The following AOAH variants were observed in gnomAD, a reference collection of about 807,000 sequenced individuals.
The protein encoded by AOAH is acyloxyacyl hydrolase (neutrophil).
AOAH carries 64 observed loss-of-function variants against 92.2 expected under a neutral mutation model. The ratio of observed to expected loss-of-function variants is 0.69; its 90% confidence interval spans 0.57 to 0.86. AOAH has a LOEUF of 0.86. Ranked by LOEUF, AOAH falls within the 40% of genes least tolerant of loss-of-function variation. The pLI is 0.00. For missense variants in AOAH, 656 were observed against 694.6 expected (o/e 0.94, Z 0.62); for synonymous variants, 263 against 254.5 (o/e 1.03, Z -0.32).
chr7:36,524,534 G>C (rs1276113439), intron 19 of AOAH, among the ~76,000 whole-genome samples: 3 of 151,600 alleles, frequency 2.0e-5, no homozygotes, highest in Non-Finnish European at 4.4e-5. Context: ...AAATTAGCCA[G>C]GTGTGGTGGT....
At chr7:36,689,977 GC>G (rs1206540708) in intron 1 of AOAH, 1 of 307,190 alleles carries the variant, frequency 3.3e-6, no homozygotes, top group Non-Finnish European at 6.4e-6. Context: ...AACCTTGGAT[GC>G]TGTTTCCTTT....
chr7:36,636,447 G>C (rs780718808), intron 5 of AOAH, among the ~76,000 whole-genome samples: 15 of 152,154 alleles, frequency 9.9e-5, no homozygotes, highest in Non-Finnish European at 2.1e-4. Flanking sequence ...ACGTTTTTAG[G>C]GGTGTGTGGA....
chr7:36,543,244 AG>A (rs1191194396), intron 15 of AOAH, among the ~76,000 whole-genome samples: 3 of 152,202 alleles, frequency 2.0e-5, no homozygotes, highest in Admixed American at 6.5e-5. Context: ...TACCTACTAG[AG>A]CAGAAGCGTG....
chr7:36,650,299 C>T (rs1169755054), intron 4 of AOAH, among the ~76,000 whole-genome samples: 1 of 152,058 alleles, frequency 6.6e-6, no homozygotes, highest in Admixed American at 6.6e-5. Context: ...TTCTAAGAGG[C>T]CTTATTCCTA....
chr7:36,687,899 T>C (rs543511885), intron 1 of AOAH, among the ~76,000 whole-genome samples: 2 of 151,982 alleles, frequency 1.3e-5, no homozygotes, highest in Admixed American at 1.3e-4. Flanking sequence ...TGTAAAATCT[T>C]CTATAAAATG....
Position 36,665,008 on chromosome 7 carries a change from G to A in AOAH, c.291-5743C>T, listed in dbSNP as rs143427280. Among the ~76,000 whole-genome samples, 471 of 152,272 alleles carry A rather than the reference G, an allele frequency of 3.1e-3. 5 individuals are homozygous for A. The highest frequency in any genetic ancestry group is 0.011 in the African/African-American group (452 of 41,568). ...GGGGATGACACTAAACCCTTCATGA[G>A]GAATCTGCCCCCATTATCTAATACC... On this transcript the variant is annotated intron_variant, in intron 3 of 20. Coordinates refer to ENST00000617537, the MANE Select transcript of AOAH (RefSeq NM_001637.4).
At chr7:36,580,597 T>G (rs1271733222) in intron 12 of AOAH, among the ~76,000 whole-genome samples, 1 of 152,196 alleles carries the variant, frequency 6.6e-6, no homozygotes, top group African/African-American at 2.4e-5. Context: ...TTCCCCTTTG[T>G]TTCTGTATTT....
At chr7:36,598,952 T>G (rs1360839088) in intron 11 of AOAH, among the ~76,000 whole-genome samples, 2 of 152,202 alleles carry the variant, frequency 1.3e-5, no homozygotes, top group Non-Finnish European at 2.9e-5. Context: ...GTTTTAAATG[T>G]ACCTTAAATG....
intron 1 of AOAH, among the ~76,000 whole-genome samples, chr7:36,705,121 A>G (rs952649856): frequency 6.6e-6 from 1 of 152,216 alleles, no homozygotes; most frequent in Non-Finnish European, 1.5e-5. Context: ...CCTATTCAAC[A>G]TAGTATTGGA....
intron 2 of AOAH, among the ~76,000 whole-genome samples, chr7:36,677,575 T>G (rs927828311): frequency 3.3e-5 from 5 of 152,148 alleles, no homozygotes; most frequent in African/African-American, 1.2e-4. Flanking sequence ...AGCAATATGA[T>G]CCAGTTTATA....
chr7:36,570,014 G>T (rs1788027137), intron 13 of AOAH, among the ~76,000 whole-genome samples: 1 of 152,042 alleles, frequency 6.6e-6, no homozygotes, highest in Admixed American at 6.6e-5. Context: ...ATTGTGGTAA[G>T]AACACTTAAC....
At chr7:36,517,676 CTG>C (rs1783871036) in intron 20 of AOAH, among the ~76,000 whole-genome samples, 1 of 141,504 alleles carries the variant, frequency 7.1e-6, no homozygotes, top group South Asian at 2.4e-4. Context: ...TCTCGGCTCA[CTG>C]TAACCTCCAC....
At chr7:36,618,694 C>G (rs1433166223) in intron 9 of AOAH, among the ~76,000 whole-genome samples, 1 of 152,186 alleles carries the variant, frequency 6.6e-6, no homozygotes, top group African/African-American at 2.4e-5. Context: ...AGTCTCTGAG[C>G]TGGAGGTCTA....
chr7:36,692,011 G>T (rs953569988), intron 1 of AOAH, among the ~76,000 whole-genome samples: 3 of 152,232 alleles, frequency 2.0e-5, no homozygotes, highest in Admixed American at 1.3e-4. Flanking sequence ...GCTGAGCGCA[G>T]CTGCAGGAGT....
chr7:36,684,984 A>AGAT (rs1176308355), intron 2 of AOAH, among the ~76,000 whole-genome samples: 1 of 150,842 alleles, frequency 6.6e-6, no homozygotes, highest in Non-Finnish European at 1.5e-5. Context: ...AAAACATGAA[A>AGAT]GATAAAAGCA....
intron 10 of AOAH, among the ~76,000 whole-genome samples, chr7:36,616,759 A>G (rs1377642244): frequency 2.0e-5 from 3 of 152,238 alleles, no homozygotes; most frequent in African/African-American, 7.2e-5. Flanking sequence ...TAAGTGAATC[A>G]AAGCTTTATC....
At chr7:36,590,502 G>T (rs948247262) in intron 12 of AOAH, among the ~76,000 whole-genome samples, 1 of 152,182 alleles carries the variant, frequency 6.6e-6, no homozygotes, top group East Asian at 1.9e-4. Flanking sequence ...GTCATTTAAT[G>T]CATGCACATA....
intron 3 of AOAH, chr7:36,661,419 G>A (rs1221506233): frequency 6.6e-6 from 1 of 152,200 alleles, no homozygotes; most frequent in East Asian, 1.9e-4. Flanking sequence ...GACGTGCAGT[G>A]AGGAAGCTGG....
intron 11 of AOAH, among the ~76,000 whole-genome samples, chr7:36,603,711 C>T (rs1790774398): frequency 2.6e-5 from 4 of 152,302 alleles, no homozygotes. Flanking sequence ...AGGGCAGTGT[C>T]TGACCCAAGG....
Sources: gnomAD v4.1 joint callset for allele counts (sites outside exome capture counted in the v4.1 genomes callset) on GRCh38, gnomAD v4.1.1 for gene constraint, MANE v1.5 for transcripts, NCBI Gene and HGNC (gene_info 2026-07-23, HGNC 2026-07-21) for gene names.